ADCY3: variants seen among roughly 807,000 people sequenced by gnomAD.
ADCY3 encodes adenylate cyclase type 3.
A neutral mutation model predicts 119.4 loss-of-function variants in ADCY3; 70 were observed. The observed-to-expected ratio is 0.59, with a 90% CI of 0.48 to 0.72. The LOEUF (loss-of-function observed/expected upper bound fraction) is 0.72. Among genes scored for constraint, ADCY3 ranks in the 30% least tolerant of loss-of-function variants. ADCY3 has a pLI of 0.00. For synonymous variants in ADCY3, 672 were observed against 621.4 expected (o/e 1.08, Z -1.21); for missense variants, 1,238 against 1,541.6 (o/e 0.80, Z 3.30).
chr2:24,840,894 C>T (rs749543515), intron 6 of ADCY3, among the ~76,000 whole-genome samples: 22 of 152,174 alleles, frequency 1.4e-4, no homozygotes, highest in African/African-American at 2.9e-4. Flanking sequence ...TCGGGGGTCA[C>T]GGTGAGAAAA....
rs1255922518 is a variant in ADCY3, at chr2:24,830,744, T to C, written c.2137A>G (p.Ile713Val). The change falls in exon 13 of 22, where the codon ATC becomes GTC. Residue 713 changes from isoleucine to valine, a missense_variant. Ile to Val is a conservative substitution (Grantham distance 29). Around this residue, in one of 7 missense-constraint regions of ADCY3, gnomAD observed 499 missense variants for 571.0 expected, o/e 0.87. Transcript: ENST00000679454. ...WARNTWAMLA[I>V]FILVMANVVD... ...ACATTTGCCATCACCAGGATGAAGA[T>C]GGCGAGCATGGCCCAGGTGTTCCTG... 1.9e-6 allele frequency: 3 copies of C among 1,614,078 alleles called. No homozygotes were observed. Among genetic ancestry groups the C allele is most frequent in the African/African-American group, 1.3e-5 (1 of 75,038 alleles).
At chr2:24,875,291 C>T (rs1675546469) in intron 2 of ADCY3, among the ~76,000 whole-genome samples, 1 of 152,222 alleles carries the variant, frequency 6.6e-6, no homozygotes. Flanking sequence ...CCCTATGGTC[C>T]CTCTCTCCCA....
At chr2:24,853,645 T>A (rs183267990) in intron 3 of ADCY3, among the ~76,000 whole-genome samples, 1 of 152,008 alleles carries the variant, frequency 6.6e-6, no homozygotes, top group African/African-American at 2.4e-5. Context: ...AATTTTTATA[T>A]GTTTAGTAGA....
At chr2:24,838,692 C>T (rs546000509) in intron 7 of ADCY3, 70 bp from the exon 8 acceptor site, 14 of 1,597,996 alleles carry the variant, frequency 8.8e-6, no homozygotes, top group Admixed American at 5.0e-5. Context: ...GGACAGTCCA[C>T]GGACCACGGC....
At chr2:24,886,372 C>T (rs760955671) in intron 2 of ADCY3, among the ~76,000 whole-genome samples, 13 of 152,200 alleles carry the variant, frequency 8.5e-5, no homozygotes, top group East Asian at 1.9e-4. Flanking sequence ...GCCTCCCCCT[C>T]GAAATCTAGC....
chr2:24,892,797 C>T (rs1338277446), intron 2 of ADCY3, among the ~76,000 whole-genome samples: 1 of 152,082 alleles, frequency 6.6e-6, no homozygotes, highest in South Asian at 2.1e-4. Flanking sequence ...TATATATTGT[C>T]TGGTACTTAT....
intron 3 of ADCY3, among the ~76,000 whole-genome samples, chr2:24,865,154 C>G (rs1674124572): frequency 6.6e-6 from 1 of 152,088 alleles, no homozygotes; most frequent in Non-Finnish European, 1.5e-5. Context: ...TTAGAATGCT[C>G]TCTAAGATAG....
chr2:24,897,580 TC>T (rs1678428578), intron 2 of ADCY3, among the ~76,000 whole-genome samples: 1 of 152,140 alleles, frequency 6.6e-6, no homozygotes, highest in Non-Finnish European at 1.5e-5. Flanking sequence ...TGGTCAGTGT[TC>T]CTCCCAACTC....
chr2:24,917,355 G>A (rs1339488744), intron 2 of ADCY3, among the ~76,000 whole-genome samples: 1 of 152,208 alleles, frequency 6.6e-6, no homozygotes, highest in Non-Finnish European at 1.5e-5. Flanking sequence ...GCACTGCAGG[G>A]GCAGGAAGTG....
intron 2 of ADCY3, among the ~76,000 whole-genome samples, chr2:24,883,928 T>C (rs1676706808): frequency 6.6e-6 from 1 of 152,208 alleles, no homozygotes; most frequent in South Asian, 2.1e-4. Context: ...AAATGACATT[T>C]TGAGAGTAAA....
At chr2:24,862,268 C>T (rs557943722) in intron 3 of ADCY3, among the ~76,000 whole-genome samples, 2 of 152,294 alleles carry the variant, frequency 1.3e-5, no homozygotes, top group East Asian at 3.9e-4. Context: ...TCTCGGTAGC[C>T]GGGCGCGGTG....
intron 7 of ADCY3, 90 bp downstream of exon 7, chr2:24,839,783 C>T (rs1670779192): frequency 7.0e-6 from 11 of 1,570,064 alleles, no homozygotes; most frequent in South Asian, 6.7e-5. Context: ...TCTGAGGCCC[C>T]CTGTCCCTCA....
chr2:24,832,499 T>G lies in ADCY3; in HGVS notation c.1968-750A>C, dbSNP rs1014534763. Among the ~76,000 whole-genome samples the G allele has an allele frequency of 2.3e-4, 35 of 152,254 alleles. 3 individuals are homozygous for G. Among genetic ancestry groups the G allele is most frequent in the Admixed American group, 2.1e-3 (32 of 15,306 alleles). ...CCTGACAACTCCCGGAAACCTGTTC[T>G]CTATACCCTCTGCTCACACCCATTC... On this transcript the variant is annotated intron_variant, in intron 11 of 21. Transcript: ENST00000679454.
chr2:24,847,601 TC>T (rs1191730254), intron 3 of ADCY3, among the ~76,000 whole-genome samples: 2 of 152,090 alleles, frequency 1.3e-5, no homozygotes, highest in African/African-American at 4.8e-5. Flanking sequence ...GCTTGGCAAC[TC>T]CCCTCTCTCT....
In ADCY3 at chr2:24,872,205, C is replaced by T. The variant is rs917198816; in HGVS notation, c.825+365G>A. Among the ~76,000 whole-genome samples, 3 of 152,226 alleles carry T rather than the reference C, an allele frequency of 2.0e-5. No homozygotes were observed. The highest frequency in any genetic ancestry group is 2.9e-5 in the Non-Finnish European group (2 of 68,046). On this transcript the variant is annotated intron_variant, in intron 3 of 21. Coordinates refer to ENST00000679454, the MANE Select transcript of ADCY3 (RefSeq NM_004036.5). This position sits in a 1 kb window ranked among gnomAD's most constrained non-coding sequence, Gnocchi z 4.4. ...ATGCCCGTGATGCCCCTGACCCTGA[C>T]CTTGGTCCCGAGAAGGTCATCTGAG...
chr2:24,876,809 T>C (rs1675767563), intron 2 of ADCY3, among the ~76,000 whole-genome samples: 1 of 152,202 alleles, frequency 6.6e-6, no homozygotes, highest in Admixed American at 6.5e-5. Flanking sequence ...CTAGCGAGAA[T>C]CTGAAATAGG....
chr2:24,908,190 C>T (rs574276814), intron 2 of ADCY3, among the ~76,000 whole-genome samples: 77 of 151,610 alleles, frequency 5.1e-4, no homozygotes, highest in African/African-American at 1.8e-3. Context: ...GGCATGGTGG[C>T]GCATGCCTGT....
At chr2:24,825,891 T>A in intron 16 of ADCY3, 154 bp downstream of exon 16, 1 of 685,372 alleles carries the variant, frequency 1.5e-6, no homozygotes, top group Non-Finnish European at 2.6e-6. Context: ...GGAGCCTGAA[T>A]AGAGAAGGCG....
intron 2 of ADCY3, among the ~76,000 whole-genome samples, chr2:24,879,645 G>A (rs1676150782): frequency 6.6e-6 from 1 of 152,166 alleles, no homozygotes; most frequent in Admixed American, 6.5e-5. Flanking sequence ...AACAAGAGGA[G>A]GCAGGGCAGA....
Sources: allele counts gnomAD v4.1 joint callset (sites outside exome capture counted in the v4.1 genomes callset), GRCh38; gene constraint gnomAD v4.1.1; regional missense constraint gnomAD v4.1.1; non-coding constraint Gnocchi (gnomAD v3.1); transcripts MANE v1.5; gene names NCBI Gene and HGNC (gene_info 2026-07-23, HGNC 2026-07-21).